POLQ: variants seen among roughly 807,000 people sequenced by gnomAD.
POLQ encodes the protein epididymis secretory sperm binding protein.
POLQ carries 233 observed loss-of-function variants against 259.2 expected under a neutral mutation model. The observed-to-expected ratio is 0.90, with a 90% CI of 0.81 to 1.00. The LOEUF is 1.00. Among genes scored for constraint, POLQ ranks in the 50% least tolerant of loss-of-function variants. The pLI is 0.00. For synonymous variants in POLQ, 1,025 were observed against 1,048.8 expected (o/e 0.98, Z 0.44); for missense variants, 2,871 against 3,051.6 (o/e 0.94, Z 1.39).
intron 18 of POLQ, 48 bp from the exon 19 acceptor site, chr3:121,481,860 A>G: frequency 1.3e-6 from 2 of 1,513,230 alleles, no homozygotes; most frequent in South Asian, 1.3e-5. Flanking sequence ...TTTCAAAGAC[A>G]CTTATGTACC....
intron 25 of POLQ, among the ~76,000 whole-genome samples, chr3:121,457,075 C>A (rs1041237602): frequency 6.6e-6 from 1 of 152,070 alleles, no homozygotes; most frequent in African/African-American, 2.4e-5. Flanking sequence ...TCAGAAATAA[C>A]GCCGCATATC....
chr3:121,481,379 G>A (rs1015731282), intron 19 of POLQ, among the ~76,000 whole-genome samples, 193 bp downstream of exon 19: 7 of 152,202 alleles, frequency 4.6e-5, no homozygotes, highest in African/African-American at 1.7e-4. Context: ...TGGCAGAGTT[G>A]AGTATTTGTG....
chr3:121,456,775 G>A, intron 25 of POLQ, among the ~76,000 whole-genome samples: 1 of 152,170 alleles, frequency 6.6e-6, no homozygotes, highest in Non-Finnish European at 1.5e-5. Flanking sequence ...TCATAGGTAG[G>A]AAGAATCAAT....
intron 17 of POLQ, among the ~76,000 whole-genome samples, chr3:121,484,462 C>T (rs909333717): frequency 1.3e-5 from 2 of 152,128 alleles, no homozygotes; most frequent in Admixed American, 1.3e-4. Flanking sequence ...CAAGAGAGTC[C>T]CTGAGTCTTC....
intron 22 of POLQ, among the ~76,000 whole-genome samples, chr3:121,469,296 C>T (rs1380681248): frequency 6.6e-6 from 1 of 151,538 alleles, no homozygotes; most frequent in Non-Finnish European, 1.5e-5. Context: ...TGTTAAGTAT[C>T]ACTCCAAAAA....
At chr3:121,518,847 C>T (rs918124482) in intron 9 of POLQ, among the ~76,000 whole-genome samples, 4 of 152,014 alleles carry the variant, frequency 2.6e-5, no homozygotes, top group African/African-American at 2.4e-5. Context: ...TAGAAAGTGG[C>T]AGGGAATGTT....
chr3:121,462,769 A>C (rs748786651), intron 24 of POLQ, among the ~76,000 whole-genome samples: 9 of 152,228 alleles, frequency 5.9e-5, no homozygotes, highest in Non-Finnish European at 1.2e-4. Flanking sequence ...AGACTCCAGA[A>C]AGGCCACACC....
At chr3:121,487,051 ATTATCT>A (rs2048017846) in intron 16 of POLQ, among the ~76,000 whole-genome samples, 1 of 152,186 alleles carries the variant, frequency 6.6e-6, no homozygotes, top group Non-Finnish European at 1.5e-5. Flanking sequence ...CAAAATATGT[ATTATCT>A]TTATTTTTAT....
At chr3:121,471,953 A>G (rs751468056) in intron 22 of POLQ, 37 bp downstream of exon 22, 1 of 1,217,148 alleles carries the variant, frequency 8.2e-7, no homozygotes, top group Admixed American at 2.6e-5. Flanking sequence ...TTTTCCTTCA[A>G]AATTGGATAT....
At chr3:121,530,302 C>A (rs929035981) in intron 6 of POLQ, among the ~76,000 whole-genome samples, 4 of 152,104 alleles carry the variant, frequency 2.6e-5, no homozygotes, top group African/African-American at 9.7e-5. Flanking sequence ...ATAAAACAGG[C>A]TTTGTGCTAA....
intron 24 of POLQ, among the ~76,000 whole-genome samples, chr3:121,464,243 T>C (rs977154956): frequency 6.6e-6 from 1 of 152,152 alleles, no homozygotes; most frequent in African/African-American, 2.4e-5. Context: ...AAATTAATAA[T>C]GGGCTGGGTG....
intron 5 of POLQ, among the ~76,000 whole-genome samples, chr3:121,535,395 A>G (rs1332899688): frequency 6.6e-6 from 1 of 152,186 alleles, no homozygotes; most frequent in Non-Finnish European, 1.5e-5. Flanking sequence ...AAGTATTTCT[A>G]ATCTTGACTT....
chr3:121,473,309 G>C lies in POLQ; in HGVS notation c.6543+41C>G. The C allele has an allele frequency of 3.3e-6, 5 of 1,534,014 alleles. No individual in the cohort carries two copies. In the South Asian group the frequency reaches 6.3e-5, roughly 19 times the overall value. On this transcript the variant is annotated intron_variant, in intron 21 of 29. Coordinates refer to ENST00000264233, the MANE Select transcript of POLQ (RefSeq NM_199420.4). The stretch of plus-strand genomic sequence containing the variant: ...TCTAGACACCAAAATGTTAAAAGTA[G>C]TTTAGGTTCTGCCCTGCTCTGTGAC...
At chr3:121,530,656 CA>C (rs1299088452) in intron 6 of POLQ, among the ~76,000 whole-genome samples, 27 of 152,228 alleles carry the variant, frequency 1.8e-4, no homozygotes, top group Non-Finnish European at 3.7e-4. Flanking sequence ...TTCAAATGAA[CA>C]AAAGGGCACA....
At chr3:121,506,472 C>T (rs1395653320) in intron 12 of POLQ, among the ~76,000 whole-genome samples, 1 of 152,128 alleles carries the variant, frequency 6.6e-6, no homozygotes, top group Non-Finnish European at 1.5e-5. Flanking sequence ...TTTCTATAGA[C>T]TGCCATTCTG....
intron 25 of POLQ, among the ~76,000 whole-genome samples, chr3:121,452,471 C>T (rs2047686698): frequency 6.8e-6 from 1 of 147,808 alleles, no homozygotes; most frequent in Non-Finnish European, 1.5e-5. Context: ...TTCTTTTTCA[C>T]CTTTTTTTTG....
chr3:121,453,772 G>C (rs2047703215), intron 25 of POLQ, among the ~76,000 whole-genome samples: 2 of 152,176 alleles, frequency 1.3e-5, no homozygotes, highest in Non-Finnish European at 2.9e-5. Context: ...ATCTGAAAGT[G>C]ACAGGGAGAA....
At chr3:121,497,405 T>C (rs1419742769) in intron 13 of POLQ, among the ~76,000 whole-genome samples, 1 of 152,182 alleles carries the variant, frequency 6.6e-6, no homozygotes, top group Non-Finnish European at 1.5e-5. Flanking sequence ...AATAATATAT[T>C]AGAGACTGTT....
chr3:121,531,208 T>TA (rs769692226), intron 6 of POLQ, among the ~76,000 whole-genome samples: 3 of 151,880 alleles, frequency 2.0e-5, no homozygotes, highest in Non-Finnish European at 4.4e-5. Context: ...ATAATAATAA[T>TA]ATGTTTGGTT....
Sources: gnomAD v4.1 joint callset for allele counts (sites outside exome capture counted in the v4.1 genomes callset) on GRCh38, gnomAD v4.1.1 for gene constraint, MANE v1.5 for transcripts, NCBI Gene and HGNC (gene_info 2026-07-23, HGNC 2026-07-21) for gene names.